The following DLGAP2 variants were observed in gnomAD, a reference collection of about 807,000 sequenced individuals.
DLGAP2 encodes DLG associated protein 2, also known as disks large-associated protein 2.
Under a neutral mutation model 100.3 loss-of-function variants are expected in DLGAP2, and 26 were observed. The observed-to-expected ratio is 0.26, with a 90% CI of 0.19 to 0.36. The LOEUF (loss-of-function observed/expected upper bound fraction) is 0.36. DLGAP2 is among the 10% of genes least tolerant of loss of function. The pLI, the probability that DLGAP2 is intolerant of heterozygous loss-of-function variation, is 1.00. For synonymous variants in DLGAP2, 886 were observed against 630.1 expected (o/e 1.41, Z -6.08); for missense variants, 1,858 against 1,453.2 (o/e 1.28, Z -4.53).
chr8:1,056,513 A>G (rs1802887641), intron 2 of DLGAP2, among the ~76,000 whole-genome samples: 1 of 152,200 alleles, frequency 6.6e-6, no homozygotes, highest in Admixed American at 6.5e-5. Context: ...TTGCTGTAGA[A>G]CTATTAAAGA....
intron 2 of DLGAP2, among the ~76,000 whole-genome samples, chr8:937,561 G>A (rs1422769748): frequency 6.6e-6 from 1 of 152,170 alleles, no homozygotes; most frequent in Non-Finnish European, 1.5e-5. Flanking sequence ...TTATCAGAGA[G>A]AGAGCAATCT....
intron 8 of DLGAP2, among the ~76,000 whole-genome samples, chr8:1,653,875 TGTAA>T (rs1326590980): frequency 6.6e-6 from 1 of 152,186 alleles, no homozygotes; most frequent in Non-Finnish European, 1.5e-5. Context: ...GACTCTGAGG[TGTAA>T]GTCAGAGGTA....
chr8:771,122 G>T (rs1821346120), intron 1 of DLGAP2, among the ~76,000 whole-genome samples: 1 of 152,140 alleles, frequency 6.6e-6, no homozygotes, highest in African/African-American at 2.4e-5. Flanking sequence ...GAATCAAGTA[G>T]TGATTGTAAA....
In DLGAP2 at chr8:1,706,441, G is replaced by C. The variant is rs1211988459; in HGVS notation, c.*5035G>C. Reference sequence around the variant, plus strand: ...CCTCTTCTAGAATGCCGCCCTCCCAGCTCTGCAGGGCACGCTGCCAGAATC... The same window carrying C: ...CCTCTTCTAGAATGCCGCCCTCCCACCTCTGCAGGGCACGCTGCCAGAATC... On this transcript the variant is annotated 3_prime_UTR_variant, in exon 15 of 15. Transcript: ENST00000637795. 1 of 152,196 alleles carries C rather than the reference G, an allele frequency of 6.6e-6. No individual in the cohort carries two copies. The highest frequency in any genetic ancestry group is 2.4e-5 in the African/African-American group (1 of 41,434). The allele number at this position is 152,196 out of a possible 1,614,324, so 9.4% of individuals were successfully genotyped here. A position where few individuals can be genotyped will look rare whatever the true frequency, so the allele number is the denominator to read the frequency against.
intron 2 of DLGAP2, among the ~76,000 whole-genome samples, chr8:1,048,608 C>T (rs1802584748): frequency 6.6e-6 from 1 of 151,760 alleles, no homozygotes; most frequent in Non-Finnish European, 1.5e-5. Context: ...TGGTGTGTTT[C>T]CTTGGGCCAA....
intron 2 of DLGAP2, among the ~76,000 whole-genome samples, chr8:1,185,452 G>A (rs1279170818): frequency 6.6e-6 from 1 of 152,096 alleles, no homozygotes; most frequent in African/African-American, 2.4e-5. Context: ...AATGGTTTAA[G>A]ATGCAAGTAG....
At chr8:1,505,443 G>A (rs557719361) in intron 4 of DLGAP2, among the ~76,000 whole-genome samples, 58 of 152,282 alleles carry the variant, frequency 3.8e-4, no homozygotes, top group Non-Finnish European at 7.5e-4. Flanking sequence ...AGTAGCATTG[G>A]CTGAAGAGCT....
chr8:1,243,863 CT>C (rs1362669092), intron 2 of DLGAP2, among the ~76,000 whole-genome samples: 1 of 152,242 alleles, frequency 6.6e-6, no homozygotes, highest in African/African-American at 2.4e-5. Flanking sequence ...AGTAACCTCA[CT>C]ATCCACATGA....
intron 6 of DLGAP2, among the ~76,000 whole-genome samples, chr8:1,626,167 G>A (rs552650562): frequency 9.9e-4 from 147 of 148,740 alleles, no homozygotes; most frequent in Non-Finnish European, 7.3e-4. Flanking sequence ...TGGGTTGGAC[G>A]GCTGTTCCCA....
At chr8:1,011,614 G>C in intron 2 of DLGAP2, among the ~76,000 whole-genome samples, 1 of 145,036 alleles carries the variant, frequency 6.9e-6, no homozygotes, top group East Asian at 2.1e-4. Context: ...TCCTCAGTCT[G>C]CACAGTGGGC....
intron 3 of DLGAP2, among the ~76,000 whole-genome samples, chr8:1,495,490 G>A (rs1174091887): frequency 3.9e-5 from 6 of 152,236 alleles, no homozygotes; most frequent in Non-Finnish European, 5.9e-5. Flanking sequence ...CTGAGGGGCC[G>A]CCATCATGAG....
chr8:797,977 C>A (rs964736051), intron 1 of DLGAP2, among the ~76,000 whole-genome samples: 1 of 152,168 alleles, frequency 6.6e-6, no homozygotes, highest in African/African-American at 2.4e-5. Flanking sequence ...GTCTCGAACT[C>A]CTGATGTCGT....
intron 2 of DLGAP2, among the ~76,000 whole-genome samples, chr8:924,584 TTTTC>T (rs1006549181): frequency 6.6e-6 from 1 of 152,014 alleles, no homozygotes. Context: ...TCTTTTTTTT[TTTTC>T]TTTCTTTCTT....
chr8:1,494,824 C>T (rs1799497935), intron 3 of DLGAP2, among the ~76,000 whole-genome samples: 1 of 152,176 alleles, frequency 6.6e-6, no homozygotes, highest in Non-Finnish European at 1.5e-5. Flanking sequence ...AGAGCTCCAG[C>T]CACGGGGTTG....
chr8:1,013,178 C>A (rs148340966), intron 2 of DLGAP2, among the ~76,000 whole-genome samples: 2 of 152,160 alleles, frequency 1.3e-5, no homozygotes, highest in African/African-American at 4.8e-5. Context: ...TCCTTTCATA[C>A]GTATCAATAG....
Position 913,906 on chromosome 8 carries a change from C to T in DLGAP2, c.73+5940C>T, listed in dbSNP as rs909025991. ...AAAGATGGGGAGGCTGTGGGCACGG[C>T]CCCCGGAGCCCCGGGACTGAGACAT... On this transcript the variant is annotated intron_variant, in intron 2 of 14. Coordinates refer to ENST00000637795, the MANE Select transcript of DLGAP2 (RefSeq NM_001346810.2). 3.3e-5 allele frequency among the ~76,000 whole-genome samples: 5 copies of T among 152,218 alleles called. No individual in the cohort carries two copies. The South Asian group carries it at 1.0e-3, about 31-fold the overall frequency.
intron 1 of DLGAP2, among the ~76,000 whole-genome samples, chr8:870,054 G>A (rs553451234): frequency 1.3e-5 from 2 of 151,270 alleles, no homozygotes; most frequent in Admixed American, 1.3e-4. Context: ...ATTCTGGGTC[G>A]TCTTTTCATT....
intron 2 of DLGAP2, among the ~76,000 whole-genome samples, chr8:1,032,280 G>A (rs1030842539): frequency 2.6e-5 from 4 of 152,312 alleles, no homozygotes; most frequent in South Asian, 2.1e-4. Flanking sequence ...GGCAGTGGGC[G>A]GCCGGCGGGC....
intron 2 of DLGAP2, among the ~76,000 whole-genome samples, chr8:1,048,787 C>T (rs1802590295): frequency 6.6e-6 from 1 of 152,036 alleles, no homozygotes; most frequent in African/African-American, 2.4e-5. Context: ...GACAGCCACC[C>T]TCTCCTGTGT....
Sources: allele counts gnomAD v4.1 joint callset (sites outside exome capture counted in the v4.1 genomes callset), GRCh38; gene constraint gnomAD v4.1.1; transcripts MANE v1.5; gene names NCBI Gene and HGNC (gene_info 2026-07-23, HGNC 2026-07-21).